CPA4: variants seen among roughly 807,000 people sequenced by gnomAD.
CPA4 encodes carboxypeptidase A3.
In CPA4, 49 loss-of-function variants were observed where a neutral mutation model predicts 54.7. That is an observed-to-expected ratio of 0.90 (90% CI 0.71 to 1.14). CPA4 has a LOEUF of 1.14. Ranked by LOEUF, CPA4 falls within the 50% of genes most tolerant of loss-of-function variation. The pLI is 0.00. For synonymous variants in CPA4, 215 were observed against 206.8 expected (o/e 1.04, Z -0.34); for missense variants, 487 against 525.1 (o/e 0.93, Z 0.71).
At chr7:130,312,654 A>C (rs767791076) in intron 10 of CPA4, among the ~76,000 whole-genome samples, 2 of 152,164 alleles carry the variant, frequency 1.3e-5, no homozygotes, top group Non-Finnish European at 2.9e-5. Context: ...CTCTTCTTGT[A>C]AGAGTTAAAG....
intron 1 of CPA4, among the ~76,000 whole-genome samples, chr7:130,294,488 G>A (rs1793619671): frequency 6.6e-6 from 1 of 152,230 alleles, no homozygotes; most frequent in Non-Finnish European, 1.5e-5. Flanking sequence ...TCAGCAGTAG[G>A]TGTGTAGTGA....
intron 1 of CPA4, chr7:130,293,510 T>C: frequency 2.3e-6 from 1 of 431,050 alleles, no homozygotes; most frequent in Non-Finnish European, 4.2e-6. Flanking sequence ...AGTTCTTACT[T>C]ATAAGGTCAG....
Position 130,304,577 on chromosome 7 carries a change from A to C in CPA4, c.484A>C (p.Lys162Gln). 1 of 1,592,440 alleles carries C rather than the reference A, an allele frequency of 6.3e-7. No individual in the cohort carries two copies. The highest frequency in any genetic ancestry group is 8.6e-7 in the Non-Finnish European group (1 of 1,160,204). The change falls in exon 5 of 11, where the codon AAG (lysine) becomes CAG (glutamine). Residue 162 changes from lysine (K) to glutamine (Q), a missense_variant and splice_region_variant. Physicochemically the swap from Lys to Gln is moderately conservative, Grantham distance 53 (BLOSUM62 1). Transcript: ENST00000222482. ...SFENRPMYVL[K>Q]FSTGKGVRRP... is the part of the protein sequence containing the mutation. ...TGAAAACCGGCCGATGTATGTACTG[A>C]AGGTGAGGCCACATGCACTTGGAAG...
chr7:130,323,179 T>G lies in CPA4; in HGVS notation c.*503T>G, dbSNP rs1050422096. 6.6e-6 allele frequency: 1 copy of G among 152,652 alleles called. No homozygotes were observed. Among genetic ancestry groups the G allele is most frequent in the Non-Finnish European group, 1.5e-5 (1 of 68,426 alleles). 9.5% of individuals were successfully genotyped at this position (152,652 alleles called of 1,614,324 possible). ...AAAATATTTTCCTTTGAGCAGCAAATCTTGTAGGGATATCAGTGAAGGTCT... is the reference window on the plus strand; with the variant it reads ...AAAATATTTTCCTTTGAGCAGCAAAGCTTGTAGGGATATCAGTGAAGGTCT... On this transcript the variant is annotated 3_prime_UTR_variant, in exon 11 of 11. Coordinates refer to ENST00000222482, the MANE Select transcript of CPA4 (RefSeq NM_016352.4).
Position 130,312,141 on chromosome 7 carries a change from A to G in CPA4, c.1078+19A>G. On this transcript the variant is annotated intron_variant, in intron 10 of 10. Coordinates refer to ENST00000222482, the MANE Select transcript of CPA4 (RefSeq NM_016352.4). ...ACTGTCTGTAAGTACTCGCTTATTT[A>G]TGAGTTATTTAGAAAGCACTTTGAG... is the stretch of plus-strand genomic sequence containing the variant. The G allele has an allele frequency of 1.3e-6, 2 of 1,577,300 alleles. No individual in the cohort carries two copies. The highest frequency in any genetic ancestry group is 1.7e-6 in the Non-Finnish European group (2 of 1,146,488).
In CPA4 at chr7:130,308,330, G is replaced by C. The variant is rs200497221; in HGVS notation, c.726G>C (p.Arg242=). ...QTQNRLWRKT[R]SRNPGSSCIG... ...AGAACCGATTATGGAGGAAGACGCGGTCCCGAAATCCTGGAAGCTCCTGCA... is the reference window on the plus strand; with the variant it reads ...AGAACCGATTATGGAGGAAGACGCGCTCCCGAAATCCTGGAAGCTCCTGCA... Residue 242 remains arginine, a synonymous_variant, in exon 8 of 11, where the codon CGG becomes CGC. Transcript: ENST00000222482. The C allele has an allele frequency of 3.7e-6, 6 of 1,614,186 alleles. No individual in the cohort carries two copies. In the Admixed American group the frequency reaches 1.0e-4, roughly 27 times the overall value.
rs1298767041 is a variant in CPA4, at chr7:130,310,134, A to G, written c.794-653A>G. ...ATACCACACAAACCATTGGGGGAAA[A>G]TAATGACTGTGGGAAAGGAACTGAT... On this transcript the variant is annotated intron_variant, in intron 8 of 10. Transcript: ENST00000222482. The surrounding 1 kb of genome is among the most constrained non-coding windows in gnomAD (Gnocchi z 4.3). Among the ~76,000 whole-genome samples, 1 of 152,160 alleles carries G rather than the reference A, an allele frequency of 6.6e-6. No individual in the cohort carries two copies. The highest frequency in any genetic ancestry group is 1.5e-5 in the Non-Finnish European group (1 of 68,042).
chr7:130,305,964 G>A, intron 6 of CPA4, 44 bp downstream of exon 6: 2 of 1,521,226 alleles, frequency 1.3e-6, no homozygotes, highest in Non-Finnish European at 9.1e-7. Flanking sequence ...TGGTGCCGGG[G>A]TGCCCCTGCA....
rs557610308 is a variant in CPA4 at position 130,317,005 on chromosome 7, T to C, written c.1078+4883T>C. Among the ~76,000 whole-genome samples the C allele has an allele frequency of 8.6e-5, 13 of 151,756 alleles. 1 individual carries two copies. The South Asian group carries it at 2.7e-3, about 32-fold the overall frequency. On this transcript the variant is annotated intron_variant, in intron 10 of 10. Transcript: ENST00000222482. ...TAGAAGGTTGAAAGAGTATTGAATA[T>C]AGGGCTTGCATGCGAGAGGATGGAA...
At chr7:130,321,295 C>G (rs1305944196) in intron 10 of CPA4, among the ~76,000 whole-genome samples, 1 of 152,152 alleles carries the variant, frequency 6.6e-6, no homozygotes, top group Non-Finnish European at 1.5e-5. Context: ...ACCTCTTGCC[C>G]TTCATAAGCC....
At chr7:130,300,966 G>T in intron 4 of CPA4, 52 bp downstream of exon 4, 1 of 1,161,862 alleles carries the variant, frequency 8.6e-7, no homozygotes, top group South Asian at 1.3e-5. Flanking sequence ...CCTGAATTTT[G>T]TAACCTCTCT....
In CPA4 at chr7:130,302,232, A is replaced by G. The variant is rs538051677; in HGVS notation, c.384+1318A>G. Reference sequence around the variant, plus strand: ...CTGGGCATGGTGGCTCACACCTGTAATCCCAGAACTTTGGGAGGCCGAGGT... The same window carrying G: ...CTGGGCATGGTGGCTCACACCTGTAGTCCCAGAACTTTGGGAGGCCGAGGT... On this transcript the variant is annotated intron_variant, in intron 4 of 10. Coordinates refer to ENST00000222482, the MANE Select transcript of CPA4 (RefSeq NM_016352.4). 3.3e-5 allele frequency among the ~76,000 whole-genome samples: 5 copies of G among 152,282 alleles called. No individual in the cohort carries two copies. In the South Asian group the frequency reaches 8.3e-4, roughly 25 times the overall value.
chr7:130,308,856 T>C (rs1458945415), intron 8 of CPA4, among the ~76,000 whole-genome samples: 4 of 148,892 alleles, frequency 2.7e-5, no homozygotes, highest in African/African-American at 1.0e-4. Flanking sequence ...CAGCCTTTTT[T>C]TTTTTTTTTG....
intron 4 of CPA4, among the ~76,000 whole-genome samples, chr7:130,301,425 G>A (rs3807345): frequency 0.37 from 56,716 of 151,970 alleles, 10,688 homozygotes; most frequent in Non-Finnish European, 0.41. Flanking sequence ...TTCAAGGTAA[G>A]CCAAACCTTC....
Position 130,306,900 on chromosome 7 carries a change from G to A in CPA4, c.702+3G>A. 6.7e-7 allele frequency: 1 copy of A among 1,489,684 alleles called. No homozygotes were observed. The highest frequency in any genetic ancestry group is 9.4e-7 in the Non-Finnish European group (1 of 1,066,582). The allele number at this position is 1,489,684 out of a possible 1,614,324, so 92.3% of individuals were successfully genotyped here. On this transcript the variant is annotated splice_donor_region_variant and intron_variant, in intron 7 of 10. Transcript: ENST00000222482. ...GATATGTGTATACTCAAACTCAAGT[G>A]AGTATTCCCAAATGGGCTGGGCTTG...
chr7:130,301,748 C>T (rs896550519), intron 4 of CPA4, among the ~76,000 whole-genome samples: 1 of 152,076 alleles, frequency 6.6e-6, no homozygotes, highest in Non-Finnish European at 1.5e-5. Flanking sequence ...ATTTCCACTT[C>T]TTTCCCATGC....
intron 10 of CPA4, 23 bp from the exon 11 acceptor site, chr7:130,322,466 G>A: frequency 6.2e-7 from 1 of 1,602,238 alleles, no homozygotes; most frequent in South Asian, 1.1e-5. Context: ...GGCTTCAAGA[G>A]TGTTTTGTCC....
In CPA4 at chr7:130,322,515, TG is replaced by T. The variant is rs780991182; in HGVS notation, c.1108del (p.Ala370HisfsTer14). ...VYPASGSSID[W>X]AYDNGIKFAF... ...TCCAGCTAGCGGGAGCAGCATCGACTGGGCATATGACAACGGCATCAAATTT... is the reference window on the plus strand; with the variant it reads ...TCCAGCTAGCGGGAGCAGCATCGACTGGCATATGACAACGGCATCAAATTT... On this transcript the variant is annotated frameshift_variant, in exon 11 of 11. Coordinates refer to ENST00000222482, the MANE Select transcript of CPA4 (RefSeq NM_016352.4). LOFTEE classifies it high-confidence loss of function. 17 of 1,613,936 alleles carry T rather than the reference TG, an allele frequency of 1.1e-5. No homozygotes were observed. In the African/African-American group the frequency reaches 2.0e-4, roughly 19 times the overall value.
At chr7:130,319,121 T>C (rs1044047091) in intron 10 of CPA4, among the ~76,000 whole-genome samples, 8 of 152,204 alleles carry the variant, frequency 5.3e-5, no homozygotes. Context: ...GAGTTTTGTG[T>C]CTCCTTTCTC....
Sources: allele counts gnomAD v4.1 joint callset (sites outside exome capture counted in the v4.1 genomes callset), GRCh38; gene constraint gnomAD v4.1.1; non-coding constraint Gnocchi (gnomAD v3.1); transcripts MANE v1.5; gene names NCBI Gene and HGNC (gene_info 2026-07-23, HGNC 2026-07-21).